Variants in ERC2 observed in about 807,000 individuals in gnomAD.
The protein encoded by ERC2 is ERC protein 2.
In ERC2, 42 loss-of-function variants were observed where a neutral mutation model predicts 114.8. The observed-to-expected ratio is 0.37, with a 90% CI of 0.29 to 0.47. The LOEUF (loss-of-function observed/expected upper bound fraction) is 0.47, where lower values mean the gene tolerates loss of function less well. Among genes scored for constraint, ERC2 ranks in the 20% least tolerant of loss-of-function variants. The probability of loss-of-function intolerance (pLI) is 0.99; values close to 1 mark genes in which losing one functional copy is unlikely to be tolerated. For missense variants in ERC2, 939 were observed against 1,150.7 expected (o/e 0.82, Z 2.66); for synonymous variants, 454 against 425.5 (o/e 1.07, Z -0.82).
At chr3:55,855,396 C>A (rs1036132680) in intron 14 of ERC2, among the ~76,000 whole-genome samples, 1 of 152,192 alleles carries the variant, frequency 6.6e-6, no homozygotes, top group Non-Finnish European at 1.5e-5. Flanking sequence ...GTTCACTTAC[C>A]AAACATACAG....
intron 6 of ERC2, among the ~76,000 whole-genome samples, chr3:56,090,255 T>C (rs1374928991): frequency 6.6e-6 from 1 of 152,218 alleles, no homozygotes; most frequent in Non-Finnish European, 1.5e-5. Flanking sequence ...TCTCTTACCC[T>C]ATGCTTGGTT....
chr3:56,364,878 G>A (rs1296734879), intron 2 of ERC2, among the ~76,000 whole-genome samples: 1 of 152,192 alleles, frequency 6.6e-6, no homozygotes, highest in African/African-American at 2.4e-5. Context: ...CCACATGAAT[G>A]TCTGTGCTTA....
At chr3:55,628,112 C>A (rs1340887429) in intron 17 of ERC2, among the ~76,000 whole-genome samples, 2 of 78,564 alleles carry the variant, frequency 2.5e-5, no homozygotes, top group African/African-American at 1.4e-4. Context: ...GTTATACCCC[C>A]ATTTTTCTTC....
intron 13 of ERC2, among the ~76,000 whole-genome samples, chr3:55,947,824 C>T (rs2149438869): frequency 6.6e-6 from 1 of 152,314 alleles, no homozygotes; most frequent in Admixed American, 6.5e-5. Context: ...TGCTAACTGA[C>T]ACATCTCTAC....
At chr3:56,463,511 T>C (rs1006322910) in intron 1 of ERC2, among the ~76,000 whole-genome samples, 1 of 152,024 alleles carries the variant, frequency 6.6e-6, no homozygotes, top group Non-Finnish European at 1.5e-5. Flanking sequence ...TCAGACAAAA[T>C]TGGGGTTCTT....
At chr3:55,776,692 A>G (rs555485451) in intron 14 of ERC2, among the ~76,000 whole-genome samples, 4 of 152,264 alleles carry the variant, frequency 2.6e-5, no homozygotes, top group African/African-American at 9.6e-5. Context: ...TGGGAGCTGG[A>G]GCTGGTGGCC....
At chr3:56,199,617 C>T (rs1407159186) in intron 3 of ERC2, among the ~76,000 whole-genome samples, 14 of 152,060 alleles carry the variant, frequency 9.2e-5, no homozygotes, top group Admixed American at 9.2e-4. Context: ...AAGTGATCCT[C>T]CCACCTAAGT....
intron 17 of ERC2, among the ~76,000 whole-genome samples, chr3:55,518,120 T>A (rs2052660664): frequency 6.6e-6 from 1 of 151,956 alleles, no homozygotes; most frequent in Non-Finnish European, 1.5e-5. Flanking sequence ...AGTCATGCAA[T>A]CAAAAATGTC....
intron 14 of ERC2, among the ~76,000 whole-genome samples, chr3:55,811,447 G>C (rs2059718151): frequency 6.6e-6 from 1 of 152,158 alleles, no homozygotes; most frequent in African/African-American, 2.4e-5. Context: ...CAGAGGCAAA[G>C]TAATTCAGAG....
At chr3:55,536,119 T>C (rs2053987077) in intron 17 of ERC2, among the ~76,000 whole-genome samples, 1 of 152,228 alleles carries the variant, frequency 6.6e-6, no homozygotes, top group African/African-American at 2.4e-5. Context: ...ATAAGTCCCT[T>C]TGGTAGCTCC....
chr3:55,829,822 C>G (rs2060493280), intron 14 of ERC2, among the ~76,000 whole-genome samples: 1 of 152,040 alleles, frequency 6.6e-6, no homozygotes, highest in Non-Finnish European at 1.5e-5. Flanking sequence ...ACCACACCTG[C>G]CCCAAAATAT....
At chr3:55,866,698 T>G (rs975250798) in intron 14 of ERC2, among the ~76,000 whole-genome samples, 1 of 152,190 alleles carries the variant, frequency 6.6e-6, no homozygotes, top group African/African-American at 2.4e-5. Flanking sequence ...TCCATTAAGT[T>G]TTTTGTGTAT....
At chr3:56,352,910 A>G (rs370955157) in intron 2 of ERC2, among the ~76,000 whole-genome samples, 1 of 152,154 alleles carries the variant, frequency 6.6e-6, no homozygotes, top group African/African-American at 2.4e-5. Context: ...TTTCTTCTTC[A>G]AATCTGGCAA....
intron 17 of ERC2, among the ~76,000 whole-genome samples, chr3:55,662,192 A>G (rs1271402920): frequency 6.6e-6 from 1 of 152,222 alleles, no homozygotes. Flanking sequence ...TATCAGATTT[A>G]TTTCATGTAG....
intron 15 of ERC2, among the ~76,000 whole-genome samples, chr3:55,710,385 T>C (rs1033290399): frequency 2.6e-5 from 4 of 152,180 alleles, no homozygotes; most frequent in Admixed American, 6.5e-5. Context: ...AGTGGAAATT[T>C]TGTGAATCTG....
intron 6 of ERC2, among the ~76,000 whole-genome samples, chr3:56,115,663 T>C (rs1473802210): frequency 6.6e-6 from 1 of 152,146 alleles, no homozygotes; most frequent in African/African-American, 2.4e-5. Flanking sequence ...AGGACCTGAG[T>C]GTATGAATCA....
rs147336287 is a variant in ERC2 at position 56,053,416 on chromosome 3, T to C, written c.1641+27401A>G. Reference sequence around the variant, plus strand: ...TTCTTTCTGGATGTGGGGTAGAACATGTAAGCTGTATTTACATCTCAAAGG... The same window carrying C: ...TTCTTTCTGGATGTGGGGTAGAACACGTAAGCTGTATTTACATCTCAAAGG... On this transcript the variant is annotated intron_variant, in intron 7 of 17. Coordinates refer to ENST00000288221, the MANE Select transcript of ERC2 (RefSeq NM_015576.3). Among the ~76,000 whole-genome samples the C allele has an allele frequency of 2.1e-3, 318 of 152,220 alleles. 3 individuals are homozygous for C. Among genetic ancestry groups the C allele is most frequent in the African/African-American group, 6.7e-3 (280 of 41,524 alleles).
chr3:55,965,183 G>C (rs896246121), intron 12 of ERC2, among the ~76,000 whole-genome samples: 1 of 152,112 alleles, frequency 6.6e-6, no homozygotes, highest in African/African-American at 2.4e-5. Flanking sequence ...TGAAAACCAG[G>C]GGGTGGAGAT....
intron 14 of ERC2, among the ~76,000 whole-genome samples, chr3:55,774,437 C>G (rs1495369): frequency 6.6e-6 from 1 of 152,166 alleles, no homozygotes; most frequent in African/African-American, 2.4e-5. Context: ...TCGTGGTCTC[C>G]CATCAATGTT....
Sources: allele counts gnomAD v4.1 joint callset (sites outside exome capture counted in the v4.1 genomes callset), GRCh38; gene constraint gnomAD v4.1.1; transcripts MANE v1.5; gene names NCBI Gene and HGNC (gene_info 2026-07-23, HGNC 2026-07-21).